Variants in STAB2 observed in about 807,000 individuals in gnomAD.
STAB2 encodes stabilin 2.
Under a neutral mutation model 338.1 loss-of-function variants are expected in STAB2, and 288 were observed. The observed-to-expected ratio is 0.85, with a 90% CI of 0.77 to 0.94. The LOEUF (loss-of-function observed/expected upper bound fraction) is 0.94. STAB2 is among the 40% of genes least tolerant of loss of function. The pLI is 0.00. For missense variants in STAB2, 3,141 were observed against 3,210.1 expected (o/e 0.98, Z 0.52); for synonymous variants, 1,202 against 1,193.3 (o/e 1.01, Z -0.15).
At chr12:103,749,872 A>AAAAAAAG (rs58406423) in intron 59 of STAB2, among the ~76,000 whole-genome samples, 7 of 131,478 alleles carry the variant, frequency 5.3e-5, no homozygotes, top group Admixed American at 1.6e-4. Flanking sequence ...AAAAAAAAAA[A>AAAAAAAG]GCTGGTAAGA....
chr12:103,594,573 G>A (rs1357631439), intron 3 of STAB2, 63 bp downstream of exon 3: 10 of 1,265,774 alleles, frequency 7.9e-6, no homozygotes, highest in Non-Finnish European at 1.2e-5. Context: ...GTAGAAAATT[G>A]AGATGAAGGA....
chr12:103,692,837 T>C lies in STAB2; in HGVS notation c.3323T>C (p.Ile1108Thr). Residue 1108 changes from isoleucine (I) to threonine (T), a missense_variant, in exon 31 of 69, where the codon ATT becomes ACT. Transcript: ENST00000388887. ...AATATCACAATTGAAGGGGCCTCCA[T>C]TGTCGATGGGGACAACGCAGCCACA... ...DGNITIEGASIVDGDNAATNG... is the reference protein window; with the variant it reads ...DGNITIEGASTVDGDNAATNG... 1.2e-6 allele frequency: 2 copies of C among 1,613,708 alleles called. No homozygotes were observed.
Position 103,731,603 on chromosome 12 carries a change from A to G in STAB2, c.5251A>G (p.Asn1751Asp). The change falls in exon 50 of 69, where the codon AAT becomes GAT. Residue 1751 changes from asparagine to aspartate, a missense_variant. Asn to Asp is a conservative substitution (Grantham distance 23). Transcript: ENST00000388887. ...LQNLTTLATN[N>D]GYIKFSNLIQ... Reference sequence around the variant, plus strand: ...AAATCTTACGACTTTGGCAACAAACAATGGCTACATCAAATTTAGCAACTT... The same window carrying G: ...AAATCTTACGACTTTGGCAACAAACGATGGCTACATCAAATTTAGCAACTT... 1 of 1,613,944 alleles carries G rather than the reference A, an allele frequency of 6.2e-7. No individual in the cohort carries two copies. Among genetic ancestry groups the G allele is most frequent in the Non-Finnish European group, 8.5e-7 (1 of 1,179,980 alleles).
intron 3 of STAB2, among the ~76,000 whole-genome samples, chr12:103,611,986 C>A (rs559207214): frequency 3.9e-5 from 6 of 152,158 alleles, no homozygotes; most frequent in Non-Finnish European, 7.3e-5. Flanking sequence ...GTTGAAAATT[C>A]TTTTCTTTAA....
Position 103,735,545 on chromosome 12 carries a change from G to A in STAB2, c.5515G>A (p.Glu1839Lys). The change falls in exon 52 of 69, where the codon GAG becomes AAG. Residue 1839 changes from glutamate to lysine, a missense_variant. Transcript: ENST00000388887. ...STAWKTLQGS[E>K]LSVKCGAGRD... ...TGCCTGGAAGACCCTGCAAGGTTCA[G>A]AGCTGAGTGTGAAATGTGGAGCTGG... The A allele has an allele frequency of 6.2e-7, 1 of 1,602,016 alleles. No individual in the cohort carries two copies. Among genetic ancestry groups the A allele is most frequent in the Non-Finnish European group, 8.5e-7 (1 of 1,173,130 alleles).
In STAB2 at chr12:103,728,837, C is replaced by G; in HGVS notation, c.4936-12C>G. The G allele has an allele frequency of 1.2e-6, 2 of 1,613,664 alleles. No homozygotes were observed. The highest frequency in any genetic ancestry group is 2.2e-5 in the South Asian group (2 of 91,054). ...CTGCCTCTGGCTGAAACCCTCTGAT[C>G]TTCTGTTACAGGTTAAAGACTGGGA... On this transcript the variant is annotated splice_polypyrimidine_tract_variant and intron_variant, in intron 47 of 68. Transcript: ENST00000388887.
At chr12:103,621,678 G>A (rs546977402) in intron 4 of STAB2, among the ~76,000 whole-genome samples, 14 of 152,338 alleles carry the variant, frequency 9.2e-5, no homozygotes, top group South Asian at 2.1e-4. Context: ...AGCCGAGATC[G>A]TGCCACTGCA....
At chr12:103,672,216 A>G (rs1322683024) in intron 22 of STAB2, among the ~76,000 whole-genome samples, 1 of 152,206 alleles carries the variant, frequency 6.6e-6, no homozygotes, top group Admixed American at 6.5e-5. Context: ...AACTCTCAGG[A>G]TGGATGGGAA....
rs758787593 is a variant in STAB2 at position 103,654,697 on chromosome 12, A to G, written c.1550A>G (p.Glu517Gly). ...KLEPTFESNN[E>G]QTIMTMLQPR... ...GAACCCACATTTGAGAGCAACAATG[A>G]GGTGAGTATTCAGATAAAAGTCACA... The change falls in exon 13 of 69, where the codon GAG becomes GGG. Residue 517 changes from glutamate (E) to glycine (G), a missense_variant and splice_region_variant. Glu to Gly is a moderately conservative substitution (Grantham distance 98). Coordinates refer to ENST00000388887, the MANE Select transcript of STAB2 (RefSeq NM_017564.10). The G allele has an allele frequency of 6.2e-7, 1 of 1,613,422 alleles. No homozygotes were observed. The highest frequency in any genetic ancestry group is 1.7e-4 in the Middle Eastern group (1 of 6,048).
At chr12:103,668,794 C>T in intron 20 of STAB2, 65 bp downstream of exon 20, 2 of 1,430,292 alleles carry the variant, frequency 1.4e-6, no homozygotes, top group Non-Finnish European at 1.9e-6. Flanking sequence ...GGGCCATGCT[C>T]TTGGGTCCTA....
chr12:103,731,060 G>A (rs1881598727), intron 49 of STAB2, among the ~76,000 whole-genome samples: 1 of 152,102 alleles, frequency 6.6e-6, no homozygotes, highest in South Asian at 2.1e-4. Context: ...GTGAGATCCT[G>A]TCTAAAAAAG....
At position 103,651,812 on chromosome 12, in the gene STAB2, T is replaced by C. The variant is rs185837624; in HGVS notation, c.1258-744T>C. On this transcript the variant is annotated intron_variant, in intron 11 of 68. Coordinates refer to ENST00000388887, the MANE Select transcript of STAB2 (RefSeq NM_017564.10). ...AATTGAGTTATCTTAATCCAAGATA[T>C]TTTGTGGTAATAATTTTTGTTGCAA... 5.3e-5 allele frequency among the ~76,000 whole-genome samples: 8 copies of C among 152,304 alleles called. No individual in the cohort carries two copies. In the East Asian group the frequency reaches 1.3e-3, roughly 26 times the overall value.
chr12:103,692,995 T>C, intron 31 of STAB2, 106 bp downstream of exon 31: 1 of 818,136 alleles, frequency 1.2e-6, no homozygotes, highest in Non-Finnish European at 1.9e-6. Context: ...TAGCCTTATA[T>C]GGAAGTAACC....
At chr12:103,617,035 C>T (rs1191882388) in intron 3 of STAB2, among the ~76,000 whole-genome samples, 1 of 152,314 alleles carries the variant, frequency 6.6e-6, no homozygotes, top group Middle Eastern at 3.4e-3. Flanking sequence ...GCCCTTTCTT[C>T]ATGATCTAGC....
At chr12:103,639,878 A>G (rs528181480) in intron 8 of STAB2, among the ~76,000 whole-genome samples, 2 of 152,298 alleles carry the variant, frequency 1.3e-5, no homozygotes, top group South Asian at 4.1e-4. Context: ...AGGGAGGTCA[A>G]GGGTTAGGAA....
chr12:103,598,670 G>A (rs931958582), intron 3 of STAB2, among the ~76,000 whole-genome samples: 2 of 152,118 alleles, frequency 1.3e-5, no homozygotes, highest in African/African-American at 4.8e-5. Flanking sequence ...AAAACCAAAT[G>A]AGCTGTTTTC....
At chr12:103,698,284 C>A (rs908412538) in intron 33 of STAB2, among the ~76,000 whole-genome samples, 2 of 152,136 alleles carry the variant, frequency 1.3e-5, no homozygotes, top group Admixed American at 6.5e-5. Context: ...CACTTAGGAA[C>A]CTTCTCCTCT....
chr12:103,766,008 G>A (rs1257478956), intron 68 of STAB2: 1 of 591,734 alleles, frequency 1.7e-6, no homozygotes, highest in Non-Finnish European at 3.2e-6. Context: ...TCCCTGTGAG[G>A]TATATTATGA....
intron 39 of STAB2, 138 bp downstream of exon 39, chr12:103,708,674 G>T (rs983352480): frequency 2.5e-6 from 2 of 796,106 alleles, no homozygotes; most frequent in Admixed American, 3.0e-5. Flanking sequence ...GCAGCAAAAA[G>T]TTTGTAAAAT....
Sources: allele counts gnomAD v4.1 joint callset (sites outside exome capture counted in the v4.1 genomes callset), GRCh38; gene constraint gnomAD v4.1.1; transcripts MANE v1.5; gene names NCBI Gene and HGNC (gene_info 2026-07-23, HGNC 2026-07-21).